Variants in FOXO1 observed in about 807,000 individuals in gnomAD.
FOXO1 encodes forkhead box protein O1.
FOXO1 carries 6 observed loss-of-function variants against 44.1 expected under a neutral mutation model. The observed-to-expected ratio is 0.14, with a 90% CI of 0.07 to 0.27. FOXO1 has a LOEUF of 0.27. FOXO1 is among the 10% of genes least tolerant of loss of function. The pLI is 1.00. For missense variants in FOXO1, 737 were observed against 888.8 expected (o/e 0.83, Z 2.17); for synonymous variants, 380 against 362.7 (o/e 1.05, Z -0.54).
At chr13:40,584,901 G>C (rs141366106) in intron 1 of FOXO1, among the ~76,000 whole-genome samples, 215 of 152,316 alleles carry the variant, frequency 1.4e-3, no homozygotes, top group African/African-American at 4.9e-3. Context: ...CTGGAGCCAG[G>C]TTTGGGAACA....
At chr13:40,631,387 C>T (rs1444254286) in intron 1 of FOXO1, among the ~76,000 whole-genome samples, 1 of 152,126 alleles carries the variant, frequency 6.6e-6, no homozygotes, top group Non-Finnish European at 1.5e-5. Context: ...TCTTTCCGAT[C>T]TTGGATTAGG....
intron 1 of FOXO1, among the ~76,000 whole-genome samples, chr13:40,663,151 C>T (rs1408443371): frequency 6.6e-6 from 1 of 152,012 alleles, no homozygotes; most frequent in Non-Finnish European, 1.5e-5. Context: ...TGGGAGCTGC[C>T]CAAGGGCCTC....
At chr13:40,649,363 G>A (rs1877605259) in intron 1 of FOXO1, among the ~76,000 whole-genome samples, 3 of 152,104 alleles carry the variant, frequency 2.0e-5, no homozygotes, top group Admixed American at 2.0e-4. Flanking sequence ...CTAAAAAAAT[G>A]GGGGGTGGGG....
chr13:40,662,841 CT>C (rs1281595798), intron 1 of FOXO1, among the ~76,000 whole-genome samples: 1 of 152,212 alleles, frequency 6.6e-6, no homozygotes, highest in East Asian at 1.9e-4. Context: ...CATTTAAAAA[CT>C]GGATTTAAGT....
intron 1 of FOXO1, among the ~76,000 whole-genome samples, chr13:40,593,661 G>GA (rs1043392869): frequency 4.0e-5 from 6 of 151,792 alleles, no homozygotes; most frequent in African/African-American, 7.2e-5. Flanking sequence ...AAGGTAAAGG[G>GA]AAAAAAAATA....
In FOXO1 at chr13:40,556,609, G is replaced by A. The variant is rs1327275406; in HGVS notation, c.*2440C>T. On this transcript the variant is annotated 3_prime_UTR_variant, in exon 3 of 3. Transcript: ENST00000379561. Reference sequence around the variant, plus strand: ...GAGGCCACATAATGTTTGCTTTCCAGACAGACCAGATGCCTTTCCCTGGAC... The same window carrying A: ...GAGGCCACATAATGTTTGCTTTCCAAACAGACCAGATGCCTTTCCCTGGAC... 1 of 152,536 alleles carries A rather than the reference G, an allele frequency of 6.6e-6. No individual in the cohort carries two copies. Among genetic ancestry groups the A allele is most frequent in the East Asian group, 1.9e-4 (1 of 5,186 alleles). 9.4% of individuals were successfully genotyped at this position (152,536 alleles called of 1,614,324 possible).
chr13:40,563,772 T>C (rs922271516), intron 1 of FOXO1, among the ~76,000 whole-genome samples: 5 of 152,060 alleles, frequency 3.3e-5, no homozygotes, highest in Non-Finnish European at 5.9e-5. Flanking sequence ...CACACACACA[T>C]GTATGCTCAC....
intron 1 of FOXO1, among the ~76,000 whole-genome samples, chr13:40,573,640 T>G (rs1874631735): frequency 6.6e-6 from 1 of 152,262 alleles, no homozygotes; most frequent in East Asian, 1.9e-4. Context: ...TGGATGATAT[T>G]GTTGTCATAC....
At chr13:40,587,367 G>C (rs1452601592) in intron 1 of FOXO1, among the ~76,000 whole-genome samples, 2 of 151,762 alleles carry the variant, frequency 1.3e-5, no homozygotes, top group Non-Finnish European at 2.9e-5. Context: ...ATCCGTGAAA[G>C]GAAGGAAAAC....
chr13:40,627,686 A>G (rs1265048449), intron 1 of FOXO1, among the ~76,000 whole-genome samples: 1 of 152,096 alleles, frequency 6.6e-6, no homozygotes, highest in Non-Finnish European at 1.5e-5. Flanking sequence ...CACCAAAATT[A>G]GCCAGGCATG....
chr13:40,664,113 A>C (rs1860621957), intron 1 of FOXO1, among the ~76,000 whole-genome samples: 1 of 152,202 alleles, frequency 6.6e-6, no homozygotes, highest in African/African-American at 2.4e-5. Context: ...TCTCTACTAA[A>C]AACACAAAAA....
At chr13:40,655,622 T>C (rs1877831889) in intron 1 of FOXO1, among the ~76,000 whole-genome samples, 1 of 149,244 alleles carries the variant, frequency 6.7e-6, no homozygotes, top group Non-Finnish European at 1.5e-5. Context: ...ATTAGTAAAA[T>C]AGTTTTCTAC....
chr13:40,650,714 T>C (rs531614234), intron 1 of FOXO1, among the ~76,000 whole-genome samples: 1 of 152,292 alleles, frequency 6.6e-6, no homozygotes, highest in East Asian at 1.9e-4. Flanking sequence ...ATTTTAATAA[T>C]CTGGATTCTG....
rs11459608 is a variant in FOXO1, at chr13:40,623,938, A to ATT, written c.630+41643_630+41644dup. Among the ~76,000 whole-genome samples the ATT allele has an allele frequency of 2.1e-3, 291 of 135,706 alleles. 1 individual carries two copies. Among genetic ancestry groups the ATT allele is most frequent in the African/African-American group, 6.3e-3 (227 of 36,142 alleles). 89.0% of individuals were successfully genotyped at this position (135,706 alleles called of 152,430 possible). A position where few individuals can be genotyped will look rare whatever the true frequency, so the allele number is the denominator to read the frequency against. On this transcript the variant is annotated intron_variant, in intron 1 of 2. Coordinates refer to ENST00000379561, the MANE Select transcript of FOXO1 (RefSeq NM_002015.4). ...CCATCTCTTAAAAAAAAAAAAAAAA[A>ATT]TTTTTTTTTTTTTTAATTAGCCAGG...
Position 40,665,640 on chromosome 13 carries a change from G to A in FOXO1, c.573C>T (p.Val191=). The change falls in exon 1 of 3, where the codon GTC becomes GTT. Residue 191 remains valine (V), a synonymous_variant. Transcript: ENST00000379561. ...TATCCTTGAAGTAGGGCACGCTCTT[G>A]ACCATCCACTCGTAGATCTGCGACA... ...LTLSQIYEWM[V]KSVPYFKDKG... is the part of the protein sequence containing the mutation. 2.0e-6 allele frequency: 3 copies of A among 1,513,182 alleles called. No homozygotes were observed. Among genetic ancestry groups the A allele is most frequent in the South Asian group, 1.3e-5 (1 of 79,796 alleles). 93.7% of individuals were successfully genotyped at this position (1,513,182 alleles called of 1,614,324 possible).
intron 1 of FOXO1, among the ~76,000 whole-genome samples, chr13:40,579,819 G>C (rs1874892123): frequency 6.6e-6 from 1 of 152,212 alleles, no homozygotes; most frequent in Non-Finnish European, 1.5e-5. Context: ...GGTGGGATCA[G>C]TGTAGAACCT....
intron 1 of FOXO1, among the ~76,000 whole-genome samples, chr13:40,610,038 A>G (rs1876174257): frequency 6.6e-6 from 1 of 152,186 alleles, no homozygotes; most frequent in Non-Finnish European, 1.5e-5. Context: ...TTACCCTACG[A>G]CAATTTTCAC....
In FOXO1 at chr13:40,558,822, T is replaced by G; in HGVS notation, c.*227A>C. On this transcript the variant is annotated 3_prime_UTR_variant, in exon 3 of 3. Coordinates refer to ENST00000379561, the MANE Select transcript of FOXO1 (RefSeq NM_002015.4). ...GAAATTTCCAATGGCACAGTCCTTA[T>G]CTACAGCAGCACATAACCTGCACAC... 1 of 398,982 alleles carries G rather than the reference T, an allele frequency of 2.5e-6. No individual in the cohort carries two copies. Among genetic ancestry groups the G allele is most frequent in the Non-Finnish European group, 4.4e-6 (1 of 226,030 alleles). 24.7% of individuals were successfully genotyped at this position (398,982 alleles called of 1,614,324 possible). A position where few individuals can be genotyped will look rare whatever the true frequency, so the allele number is the denominator to read the frequency against.
chr13:40,642,112 A>G (rs965170865), intron 1 of FOXO1, among the ~76,000 whole-genome samples: 1 of 152,240 alleles, frequency 6.6e-6, no homozygotes, highest in Non-Finnish European at 1.5e-5. Context: ...GGGAATATCT[A>G]CATTATATGT....
Sources: allele counts gnomAD v4.1 joint callset (sites outside exome capture counted in the v4.1 genomes callset), GRCh38; gene constraint gnomAD v4.1.1; transcripts MANE v1.5; gene names NCBI Gene and HGNC (gene_info 2026-07-23, HGNC 2026-07-21).